The following NDUFB10 variants were observed in gnomAD, a reference collection of about 807,000 sequenced individuals.
NDUFB10 encodes NADH:ubiquinone oxidoreductase subunit B10.
A neutral mutation model predicts 19.0 loss-of-function variants in NDUFB10; 23 were observed. That is an observed-to-expected ratio of 1.21 (90% CI 0.87 to 1.71). The LOEUF is 1.71. NDUFB10 is among the 40% of genes most tolerant of loss of function. NDUFB10 has a pLI of 0.00. For missense variants in NDUFB10, 312 were observed against 230.6 expected (o/e 1.35, Z -2.29); for synonymous variants, 104 against 81.8 (o/e 1.27, Z -1.46).
In NDUFB10 at chr16:1,961,250, C is replaced by T. The variant is rs1230281267; in HGVS notation, c.228C>T (p.Ile76=). The T allele has an allele frequency of 1.2e-6, 2 of 1,613,958 alleles. No homozygotes were observed. The highest frequency in any genetic ancestry group is 2.7e-5 in the African/African-American group (2 of 74,944). ...TCACTGAGTGCAAGGAGGAGGACAT[C>T]ATGTGCATGTATGAAGCCGAAATGC... ...PDITECKEED[I]MCMYEAEMQW... is the part of the protein sequence containing the mutation. The change falls in exon 2 of 4, where the codon ATC becomes ATT. Residue 76 remains isoleucine (I), a synonymous_variant. Transcript: ENST00000268668.
Position 1,961,577 on chromosome 16 carries a change from A to G in NDUFB10, c.350A>G (p.Gln117Arg). 2 of 1,614,110 alleles carry G rather than the reference A, an allele frequency of 1.2e-6. No individual in the cohort carries two copies. Among genetic ancestry groups the G allele is most frequent in the Non-Finnish European group, 8.5e-7 (1 of 1,180,028 alleles). ...CQQREGQNYQ[Q>R]NCIKEVEQFT... ...CAGAGGGAAGGACAGAACTACCAGC[A>G]GAACTGTATCAAGGAAGTGGAGCAG... The change falls in exon 3 of 4, where the codon CAG (glutamine) becomes CGG (arginine). Residue 117 changes from glutamine to arginine, a missense_variant. Transcript: ENST00000268668.
chr16:1,961,664 C>G, intron 3 of NDUFB10, 28 bp downstream of exon 3: 2 of 1,547,624 alleles, frequency 1.3e-6, no homozygotes, highest in South Asian at 2.4e-5. Flanking sequence ...CCCCAACCCC[C>G]CACCATCCTC....
At chr16:1,961,762 C>A (rs1567316315) in intron 3 of NDUFB10, 35 bp from the exon 4 acceptor site, 1 of 1,542,422 alleles carries the variant, frequency 6.5e-7, no homozygotes. Flanking sequence ...GTAGCAGAGG[C>A]CTCGGTTCCC....
At position 1,961,891 on chromosome 16, in the gene NDUFB10, C is replaced by A; in HGVS notation, c.504C>A (p.Ala168=). The A allele has an allele frequency of 6.4e-7, 1 of 1,561,472 alleles. No individual in the cohort carries two copies. Among genetic ancestry groups the A allele is most frequent in the South Asian group, 1.2e-5 (1 of 84,892 alleles). Residue 168 remains alanine (A), a synonymous_variant, in exon 4 of 4, where the codon GCC becomes GCA. Transcript: ENST00000268668. ...LQERKAAKEA[A]AATS ...AGAGAAAAGCTGCAAAAGAGGCCGCCGCTGCCACCTCCTGAGGCAGCTGTG... is the reference window on the plus strand; with the variant it reads ...AGAGAAAAGCTGCAAAAGAGGCCGCAGCTGCCACCTCCTGAGGCAGCTGTG...
intron 3 of NDUFB10, 23 bp downstream of exon 3, chr16:1,961,659 AC>A (rs752185454): frequency 3.8e-6 from 3 of 779,268 alleles, no homozygotes; most frequent in Non-Finnish European, 5.9e-6. Context: ...CCCACCCCCA[AC>A]CCCCCACCAT....
At position 1,959,745 on chromosome 16, in the gene NDUFB10, C is replaced by T. The variant is rs756321173; in HGVS notation, c.121C>T (p.Leu41Phe). ...FDLIVDRPVT[L>F]VREFIERQHA... is the part of the protein sequence containing the mutation. The stretch of plus-strand genomic sequence containing the variant: ...CCTCATCGTGGACCGACCCGTGACC[C>T]TCGTGAGAGGTACGAAGCCCCAGCC... The change falls in exon 1 of 4, where the codon CTC becomes TTC. Residue 41 changes from leucine (L) to phenylalanine (F), a missense_variant. By Grantham distance (22) the Leu-to-Phe change is conservative. Coordinates refer to ENST00000268668, the MANE Select transcript of NDUFB10 (RefSeq NM_004548.3). 3.1e-6 allele frequency: 5 copies of T among 1,613,258 alleles called. No individual in the cohort carries two copies. The highest frequency in any genetic ancestry group is 1.7e-5 in the Admixed American group (1 of 60,006).
Position 1,961,879 on chromosome 16 carries a change from A to G in NDUFB10, c.492A>G (p.Ala164=), listed in dbSNP as rs2083259234. ...GGATGCTGCAAGAGAGAAAAGCTGC[A>G]AAAGAGGCCGCCGCTGCCACCTCCT... is the stretch of plus-strand genomic sequence containing the variant. ...RQRMLQERKA[A]KEAAAATS is the part of the protein sequence containing the mutation. The change falls in exon 4 of 4, where the codon GCA becomes GCG. Residue 164 remains alanine, a synonymous_variant. Transcript: ENST00000268668. The G allele has an allele frequency of 6.4e-7, 1 of 1,564,004 alleles. No individual in the cohort carries two copies. The highest frequency in any genetic ancestry group is 8.7e-7 in the Non-Finnish European group (1 of 1,153,746).
intron 3 of NDUFB10, 50 bp downstream of exon 3, chr16:1,961,686 G>A: frequency 6.5e-7 from 1 of 1,544,820 alleles, no homozygotes; most frequent in Non-Finnish European, 8.8e-7. Flanking sequence ...TGAGGCCTGG[G>A]GGCCAGAACC....
intron 1 of NDUFB10, among the ~76,000 whole-genome samples, chr16:1,960,558 T>C (rs2083246943): frequency 6.6e-6 from 1 of 152,216 alleles, no homozygotes; most frequent in East Asian, 1.9e-4. Context: ...GTGCATAGCA[T>C]GCTCTGGTGG....
intron 1 of NDUFB10, among the ~76,000 whole-genome samples, chr16:1,960,253 T>A (rs1301857124): frequency 6.6e-6 from 1 of 150,448 alleles, no homozygotes; most frequent in Non-Finnish European, 1.5e-5. Context: ...ACAGTCTCAC[T>A]CTGTTGCCCA....
intron 1 of NDUFB10, among the ~76,000 whole-genome samples, chr16:1,960,353 C>G (rs1401956493): frequency 6.6e-6 from 1 of 152,030 alleles, no homozygotes; most frequent in African/African-American, 2.4e-5. Flanking sequence ...CTCCCCAGTA[C>G]TAGGATTACA....
At chr16:1,960,624 T>A (rs753848821) in intron 1 of NDUFB10, among the ~76,000 whole-genome samples, 1 of 152,224 alleles carries the variant, frequency 6.6e-6, no homozygotes, top group Non-Finnish European at 1.5e-5. Context: ...CTGGAAACCG[T>A]GCAACAGCGG....
At chr16:1,960,690 G>A (rs910215411) in intron 1 of NDUFB10, among the ~76,000 whole-genome samples, 4 of 152,216 alleles carry the variant, frequency 2.6e-5, no homozygotes, top group Admixed American at 2.6e-4. Flanking sequence ...TATGTGTCTG[G>A]ATGTTCGAGC....
chr16:1,961,771 C>A, intron 3 of NDUFB10, 26 bp from the exon 4 acceptor site: 3 of 1,548,712 alleles, frequency 1.9e-6, no homozygotes. Flanking sequence ...GCCTCGGTTC[C>A]CAGCTTGTTT....
chr16:1,959,581 C>T lies in NDUFB10; in HGVS notation c.-44C>T, dbSNP rs944916925. On this transcript the variant is annotated 5_prime_UTR_variant, in exon 1 of 4. Transcript: ENST00000268668. ...CGCGGGACCCGGACGGAGGTAGAGG[C>T]CAGGGCAGCGCGTCCGGGAGCGGAG... The T allele has an allele frequency of 6.3e-7, 1 of 1,577,148 alleles. No individual in the cohort carries two copies. Among genetic ancestry groups the T allele is most frequent in the Non-Finnish European group, 8.6e-7 (1 of 1,161,564 alleles).
At chr16:1,961,391 G>A in intron 2 of NDUFB10, 100 bp downstream of exon 2, 1 of 1,594,496 alleles carries the variant, frequency 6.3e-7, no homozygotes, top group Non-Finnish European at 8.6e-7. Flanking sequence ...TTTTAGGGGT[G>A]ACATGGGAGG....
At position 1,961,842 on chromosome 16, in the gene NDUFB10, A is replaced by C. The variant is rs2083258915; in HGVS notation, c.455A>C (p.Lys152Thr). The change falls in exon 4 of 4, where the codon AAA becomes ACA. Residue 152 changes from lysine to threonine, a missense_variant. Coordinates refer to ENST00000268668, the MANE Select transcript of NDUFB10 (RefSeq NM_004548.3). ...AYSSARKCLA[K>T]QRQRMLQERK... ...AGTTCTGCCAGGAAGTGCCTGGCCA[A>C]ACAGAGGCAGAGGATGCTGCAAGAG... is the stretch of plus-strand genomic sequence containing the variant. 6.4e-7 allele frequency: 1 copy of C among 1,564,110 alleles called. No homozygotes were observed. The highest frequency in any genetic ancestry group is 2.4e-5 in the East Asian group (1 of 42,474).
In NDUFB10 at chr16:1,959,586, G is replaced by A. The variant is rs987042117; in HGVS notation, c.-39G>A. On this transcript the variant is annotated 5_prime_UTR_variant, in exon 1 of 4. Coordinates refer to ENST00000268668, the MANE Select transcript of NDUFB10 (RefSeq NM_004548.3). ...GACCCGGACGGAGGTAGAGGCCAGG[G>A]CAGCGCGTCCGGGAGCGGAGTCCGC... 7.6e-6 allele frequency: 12 copies of A among 1,582,564 alleles called. No individual in the cohort carries two copies. The African/African-American group carries it at 1.5e-4, about 20-fold the overall frequency.
rs545930129 is a variant in NDUFB10, at chr16:1,961,503, C to T, written c.276C>T (p.Val92=). ...AEMQWKRDYK[V]DQEIINIMQD... ...TGCTCCTTTTCTCCACCAGCAAAGTCGACCAAGAAATTATCAACATTATGC... is the reference window on the plus strand; with the variant it reads ...TGCTCCTTTTCTCCACCAGCAAAGTTGACCAAGAAATTATCAACATTATGC... Residue 92 remains valine, a synonymous_variant, in exon 3 of 4, where the codon GTC becomes GTT. Coordinates refer to ENST00000268668, the MANE Select transcript of NDUFB10 (RefSeq NM_004548.3). 4.3e-6 allele frequency: 7 copies of T among 1,613,962 alleles called. No homozygotes were observed. The Middle Eastern group carries it at 4.9e-4, about 114-fold the overall frequency.
Sources: gnomAD v4.1 joint callset for allele counts (sites outside exome capture counted in the v4.1 genomes callset) on GRCh38, gnomAD v4.1.1 for gene constraint, MANE v1.5 for transcripts, NCBI Gene and HGNC (gene_info 2026-07-23, HGNC 2026-07-21) for gene names.